The following PSMD12 variants were observed in gnomAD, a reference collection of about 807,000 sequenced individuals.
The protein encoded by PSMD12 is proteasome 26S subunit, non-ATPase 12, also known as 26S proteasome non-ATPase regulatory subunit 12.
Under a neutral mutation model 62.9 loss-of-function variants are expected in PSMD12, and 8 were observed. The observed-to-expected ratio is 0.13, with a 90% CI of 0.07 to 0.23. PSMD12 has a LOEUF of 0.23. Ranked by LOEUF, PSMD12 falls within the 10% of genes least tolerant of loss-of-function variation. The pLI is 1.00. For missense variants in PSMD12, 424 were observed against 550.2 expected, an observed-to-expected ratio of 0.77 and a Z score of 2.29; for synonymous variants, 173 against 187.4, an observed-to-expected ratio of 0.92 and a Z score of 0.63.
intron 7 of PSMD12, 24 bp from the exon 8 acceptor site, chr17:67,345,881 A>G: frequency 6.4e-7 from 1 of 1,563,674 alleles, no homozygotes; most frequent in Non-Finnish European, 8.8e-7. Context: ...ACAACAAGTT[A>G]TATGCAAGAC....
chr17:67,359,334 G>A (rs565234850), intron 1 of PSMD12, among the ~76,000 whole-genome samples: 1 of 152,172 alleles, frequency 6.6e-6, no homozygotes, highest in Non-Finnish European at 1.5e-5. Context: ...CAGCCTGGGT[G>A]ACAGAGTGAG....
intron 3 of PSMD12, among the ~76,000 whole-genome samples, chr17:67,354,170 C>G (rs908112499): frequency 2.0e-4 from 31 of 152,126 alleles, no homozygotes; most frequent in African/African-American, 7.5e-4. Context: ...AGAACTTTGG[C>G]AGACAAGGCA....
Position 67,366,566 on chromosome 17 carries a change from C to T in PSMD12, c.-47G>A. On this transcript the variant is annotated 5_prime_UTR_variant, in exon 1 of 11. It adds an upstream start codon to the 5' untranslated region. Coordinates refer to ENST00000356126, the MANE Select transcript of PSMD12 (RefSeq NM_002816.5). ...TGCTGTCCCCCTGCTTCGGCCACCA[C>T]TCGTCACCCACACCGGAAGTTGCCC... 1 of 1,533,154 alleles carries T rather than the reference C, an allele frequency of 6.5e-7. No individual in the cohort carries two copies. The highest frequency in any genetic ancestry group is 8.8e-7 in the Non-Finnish European group (1 of 1,132,604). The allele number at this position is 1,533,154 out of a possible 1,614,324, so 95.0% of individuals were successfully genotyped here.
intron 10 of PSMD12, among the ~76,000 whole-genome samples, chr17:67,341,983 G>A (rs2041919480): frequency 6.6e-6 from 1 of 152,160 alleles, no homozygotes; most frequent in Non-Finnish European, 1.5e-5. Flanking sequence ...TAGAAACATG[G>A]ACCTAAAGAC....
intron 1 of PSMD12, among the ~76,000 whole-genome samples, chr17:67,358,478 G>A (rs2042097472): frequency 6.6e-6 from 1 of 150,692 alleles, no homozygotes; most frequent in East Asian, 1.9e-4. Context: ...TGAAGTGGGA[G>A]GCTGGCTTGA....
At chr17:67,352,143 A>C (rs1210226760) in intron 3 of PSMD12, among the ~76,000 whole-genome samples, 1 of 151,542 alleles carries the variant, frequency 6.6e-6, no homozygotes, top group African/African-American at 2.4e-5. Context: ...CCCAGGCTGG[A>C]GTGCACTGGC....
At position 67,340,818 on chromosome 17, in the gene PSMD12, A is replaced by T. The variant is rs1207085618; in HGVS notation, c.*25T>A. 1 of 1,504,320 alleles carries T rather than the reference A, an allele frequency of 6.6e-7. No homozygotes were observed. The highest frequency in any genetic ancestry group is 8.9e-7 in the Non-Finnish European group (1 of 1,123,488). 93.2% of individuals were successfully genotyped at this position (1,504,320 alleles called of 1,614,324 possible). On this transcript the variant is annotated 3_prime_UTR_variant, in exon 11 of 11. Transcript: ENST00000356126. ...CTTTTTTTAATGACTTCCAATTTTA[A>T]CTTTTTTCTAAAGCACTAAGACCCT...
At chr17:67,361,442 C>T (rs984424007) in intron 1 of PSMD12, among the ~76,000 whole-genome samples, 1 of 152,076 alleles carries the variant, frequency 6.6e-6, no homozygotes, top group Non-Finnish European at 1.5e-5. Flanking sequence ...TTTAGCCGGG[C>T]GTGGTGGTAA....
intron 3 of PSMD12, among the ~76,000 whole-genome samples, chr17:67,355,050 A>AATCTAT (rs2042054546): frequency 6.6e-6 from 1 of 151,932 alleles, no homozygotes; most frequent in Non-Finnish European, 1.5e-5. Flanking sequence ...AATTAAATTA[A>AATCTAT]ATCTATACTA....
At chr17:67,359,659 C>A (rs988066158) in intron 1 of PSMD12, among the ~76,000 whole-genome samples, 1 of 152,122 alleles carries the variant, frequency 6.6e-6, no homozygotes, top group Non-Finnish European at 1.5e-5. Flanking sequence ...ATCTTCCATG[C>A]GGCACAGCAT....
chr17:67,340,858 T>C lies in PSMD12; in HGVS notation c.1356A>G (p.Ile452Met), dbSNP rs767982568. The change falls in exon 11 of 11, where the codon ATA becomes ATG. Residue 452 changes from isoleucine to methionine, a missense_variant. By Grantham distance (10) the Ile-to-Met change is conservative. Transcript: ENST00000356126. ...TTHLIAKEEM[I>M]HNLQ is the part of the protein sequence containing the mutation. The stretch of plus-strand genomic sequence containing the variant: ...ACTAAGACCCTTATTGTAGATTATG[T>C]ATCATCTCCTCTTTGGCTATGAGAT... 6.3e-7 allele frequency: 1 copy of C among 1,579,592 alleles called. No individual in the cohort carries two copies. Among genetic ancestry groups the C allele is most frequent in the Admixed American group, 2.0e-5 (1 of 49,968 alleles).
rs769050966 is a variant in PSMD12, at chr17:67,341,019, T to G, written c.1195A>C (p.Asn399His). ...TCTACTTTAGCAAAGATGGTCTTGT[T>G]AACTACTAGATTTGAGAGAAAGGCT... Reference protein sequence around the residue: ...SEAFLSNLVVNKTIFAKVDRL... With the variant: ...SEAFLSNLVVHKTIFAKVDRL... The change falls in exon 11 of 11, where the codon AAC becomes CAC. Residue 399 changes from asparagine to histidine, a missense_variant. By Grantham distance (68) the Asn-to-His change is moderately conservative (BLOSUM62 1). Coordinates refer to ENST00000356126, the MANE Select transcript of PSMD12 (RefSeq NM_002816.5). 1.2e-5 allele frequency: 18 copies of G among 1,554,948 alleles called. No individual in the cohort carries two copies. Among genetic ancestry groups the G allele is most frequent in the Non-Finnish European group, 1.5e-5 (17 of 1,159,922 alleles).
At chr17:67,343,671 T>C (rs2041936523) in intron 9 of PSMD12, among the ~76,000 whole-genome samples, 1 of 152,200 alleles carries the variant, frequency 6.6e-6, no homozygotes. Context: ...TCTTTCCCTA[T>C]AATTTTTAAT....
chr17:67,340,983 C>G lies in PSMD12; in HGVS notation c.1231G>C (p.Gly411Arg), dbSNP rs2041909442. 6.4e-7 allele frequency: 1 copy of G among 1,569,348 alleles called. No individual in the cohort carries two copies. The highest frequency in any genetic ancestry group is 8.6e-7 in the Non-Finnish European group (1 of 1,165,564). Residue 411 changes from glycine (G) to arginine (R), a missense_variant, in exon 11 of 11, where the codon GGA (glycine) becomes CGA (arginine). Transcript: ENST00000356126. The stretch of plus-strand genomic sequence containing the variant: ...TTGGGTCTCTGGAAGTTGATAATTC[C>G]TGCTAATCTGTCTACTTTAGCAAAG... The part of the protein sequence containing the change: ...TIFAKVDRLA[G>R]IINFQRPKDP...
chr17:67,345,633 A>C, intron 8 of PSMD12, 112 bp downstream of exon 8: 1 of 844,472 alleles, frequency 1.2e-6, no homozygotes, highest in Non-Finnish European at 1.9e-6. Context: ...CAATAGTAAA[A>C]CTCCATCTCA....
In PSMD12 at chr17:67,348,838, A is replaced by C. The variant is rs992315300; in HGVS notation, c.406-184T>G. ...CATGTTGAGCCCGTCTCTACTAAAA[A>C]TCAAAACATTAGCTGAGTGTGGTGG... On this transcript the variant is annotated intron_variant, in intron 4 of 10. Coordinates refer to ENST00000356126, the MANE Select transcript of PSMD12 (RefSeq NM_002816.5). 2.6e-5 allele frequency among the ~76,000 whole-genome samples: 4 copies of C among 152,080 alleles called. 1 individual carries two copies. In the South Asian group the frequency reaches 8.3e-4, roughly 32 times the overall value.
In PSMD12 at chr17:67,344,863, G is replaced by A; in HGVS notation, c.909-83C>T. 6 of 1,179,100 alleles carry A rather than the reference G, an allele frequency of 5.1e-6. 1 individual carries two copies. In the Middle Eastern group the frequency reaches 1.4e-3, roughly 280 times the overall value. 73.0% of individuals were successfully genotyped at this position (1,179,100 alleles called of 1,614,324 possible). ...ATAATAGCAAAGTTCAAAAAATTCA[G>A]CAAAGACTGTTTTCGTTAAATTTTA... is the stretch of plus-strand genomic sequence containing the variant. On this transcript the variant is annotated intron_variant, in intron 8 of 10. Coordinates refer to ENST00000356126, the MANE Select transcript of PSMD12 (RefSeq NM_002816.5).
At chr17:67,357,678 G>A (rs2042088598) in intron 1 of PSMD12, 100 bp from the exon 2 acceptor site, 1 of 1,191,736 alleles carries the variant, frequency 8.4e-7, no homozygotes, top group African/African-American at 1.5e-5. Context: ...AAAATCAACA[G>A]CCTCTTCTAG....
intron 5 of PSMD12, among the ~76,000 whole-genome samples, chr17:67,348,341 T>C (rs551267382): frequency 2.0e-5 from 3 of 152,332 alleles, no homozygotes; most frequent in African/African-American, 7.2e-5. Flanking sequence ...TGGTACCCCA[T>C]TGTGGTTTTA....
Sources: gnomAD v4.1 joint callset for allele counts (sites outside exome capture counted in the v4.1 genomes callset) on GRCh38, gnomAD v4.1.1 for gene constraint, MANE v1.5 for transcripts, NCBI Gene and HGNC (gene_info 2026-07-23, HGNC 2026-07-21) for gene names.